CARS2: variants seen among roughly 807,000 people sequenced by gnomAD.
CARS2 encodes probable cysteine--tRNA ligase, mitochondrial.
A neutral mutation model predicts 68.8 loss-of-function variants in CARS2; 52 were observed. The observed-to-expected ratio is 0.76, with a 90% CI of 0.61 to 0.95. The LOEUF (loss-of-function observed/expected upper bound fraction) is 0.95. CARS2 is among the 40% of genes least tolerant of loss of function. The probability of loss-of-function intolerance (pLI) is 0.00; values close to 1 mark genes in which losing one functional copy is unlikely to be tolerated. For missense variants in CARS2, 780 were observed against 754.2 expected (o/e 1.03, Z -0.40); for synonymous variants, 314 against 303.6 (o/e 1.03, Z -0.36).
exon 1 of CARS2, chr13:110,713,482 C>T (rs1427017995): frequency 1.0e-6 from 1 of 988,226 alleles, no homozygotes; most frequent in Non-Finnish European, 1.2e-6. Flanking sequence ...CCCAGCGGCC[C>T]TGACGCTGTC....
intron 11 of CARS2, chr13:110,646,320 A>C (rs1248943315): frequency 8.6e-6 from 4 of 465,724 alleles, no homozygotes; most frequent in Non-Finnish European, 1.5e-5. Context: ...CACCTGTGAC[A>C]CTTAAAATAC....
intron 1 of CARS2, chr13:110,712,352 G>A (rs112950721): frequency 1.8e-5 from 3 of 164,882 alleles, no homozygotes; most frequent in Non-Finnish European, 3.9e-5. Flanking sequence ...AAGAAAATCA[G>A]AGAAAAGCAG....
At chr13:110,679,649 CCGGA>C (rs2063096380) in intron 6 of CARS2, among the ~76,000 whole-genome samples, 2 of 19,324 alleles carry the variant, frequency 1.0e-4, no homozygotes, top group African/African-American at 3.6e-4. Flanking sequence ...CCGGGCGTGA[CCGGA>C]GGGAGGGAGG....
chr13:110,671,821 T>A (rs1349958602), intron 7 of CARS2, among the ~76,000 whole-genome samples: 1 of 151,948 alleles, frequency 6.6e-6, no homozygotes, highest in Admixed American at 6.6e-5. Flanking sequence ...AGGAGACCCA[T>A]CTCACGTGCA....
At chr13:110,702,120 ATCTGTTTTC>A (rs2063804152) in intron 2 of CARS2, among the ~76,000 whole-genome samples, 1 of 152,214 alleles carries the variant, frequency 6.6e-6, no homozygotes, top group South Asian at 2.1e-4. Flanking sequence ...CATCTCAAGA[ATCTGTTTTC>A]CCATAAAAGT....
rs995243532 is a variant in CARS2, at chr13:110,668,782, C to T, written c.786-1309G>A. Among the ~76,000 whole-genome samples the T allele has an allele frequency of 6.6e-6, 1 of 152,184 alleles. No individual in the cohort carries two copies. Among genetic ancestry groups the T allele is most frequent in the Admixed American group, 6.5e-5 (1 of 15,284 alleles). ...CAACCTTCACTATGTTAGTTTCGCT[C>T]CTGATCTCTACGTTACACCTATTTT... On this transcript the variant is annotated intron_variant, in intron 7 of 14. Coordinates refer to ENST00000257347, the MANE Select transcript of CARS2 (RefSeq NM_024537.4). The surrounding 1 kb of genome is among the most constrained non-coding windows in gnomAD (Gnocchi z 4.1).
upstream of CARS2, among the ~76,000 whole-genome samples, chr13:110,708,204 G>A (rs934021997): frequency 6.6e-6 from 1 of 152,128 alleles, no homozygotes; most frequent in Admixed American, 6.6e-5. Flanking sequence ...AGAAATAAAA[G>A]GGCTTGTTGA....
chr13:110,706,693 G>A (rs1052510838), upstream of CARS2, among the ~76,000 whole-genome samples: 3 of 149,542 alleles, frequency 2.0e-5, no homozygotes, highest in Non-Finnish European at 4.4e-5. Flanking sequence ...AGTGCACCCC[G>A]ATACACAATG....
At chr13:110,655,368 C>A (rs965139460) in intron 9 of CARS2, among the ~76,000 whole-genome samples, 2 of 152,200 alleles carry the variant, frequency 1.3e-5, no homozygotes, top group African/African-American at 4.8e-5. Context: ...GTGGAAAATA[C>A]AGTAGGATTT....
intron 3 of CARS2, chr13:110,688,871 C>T: frequency 6.4e-6 from 1 of 157,396 alleles, no homozygotes. Flanking sequence ...GAAGGTGCCA[C>T]TGCACTCCAG....
chr13:110,666,888 G>A, intron 8 of CARS2: 1 of 985,394 alleles, frequency 1.0e-6, no homozygotes, highest in African/African-American at 1.7e-5. Flanking sequence ...TCGAGGTGTT[G>A]CTTAACTCAT....
At chr13:110,649,943 T>TTTTTTTTTTTTTC (rs1566651351) in intron 10 of CARS2, among the ~76,000 whole-genome samples, 17 of 146,714 alleles carry the variant, frequency 1.2e-4, no homozygotes, top group African/African-American at 4.1e-4. Flanking sequence ...TTTTTTTTTT[T>TTTTTTTTTTTTTC]TTTTTTTTTT....
intron 10 of CARS2, 123 bp downstream of exon 10, chr13:110,650,911 C>T (rs1001122440): frequency 5.6e-6 from 4 of 720,502 alleles, no homozygotes; most frequent in Non-Finnish European, 9.5e-6. Context: ...CCGTAAGGCA[C>T]ACAGCAGCCT....
chr13:110,652,887 G>A lies in CARS2; in HGVS notation c.988-1787C>T, dbSNP rs375182512. ...TTGCACCGAAATGGGTATTTCCTTC[G>A]ATGGTCAGTGTAGGCAGCAAACGCA... On this transcript the variant is annotated intron_variant, in intron 9 of 14. Coordinates refer to ENST00000257347, the MANE Select transcript of CARS2 (RefSeq NM_024537.4). Among the ~76,000 whole-genome samples, 5 of 152,208 alleles carry A rather than the reference G, an allele frequency of 3.3e-5. No individual in the cohort carries two copies. The South Asian group carries it at 6.2e-4, about 19-fold the overall frequency.
intron 3 of CARS2, chr13:110,688,883 C>A (rs74412984): frequency 0.038 from 5,966 of 156,714 alleles, 412 homozygotes; most frequent in African/African-American, 0.13. Context: ...GCACTCCAGC[C>A]TGGGCGACAG....
At chr13:110,686,139 ATTC>A (rs2063298856) in intron 5 of CARS2, among the ~76,000 whole-genome samples, 1 of 152,096 alleles carries the variant, frequency 6.6e-6, no homozygotes, top group Non-Finnish European at 1.5e-5. Flanking sequence ...CTAGCCAGAA[ATTC>A]TTCATTGTCT....
At chr13:110,684,336 C>T (rs76877733) in intron 5 of CARS2, among the ~76,000 whole-genome samples, 3,557 of 152,048 alleles carry the variant, frequency 0.023, 121 homozygotes, top group African/African-American at 0.066. Flanking sequence ...GTCCTTACTG[C>T]GGACACTGGT....
intron 9 of CARS2, among the ~76,000 whole-genome samples, chr13:110,652,940 GCCACAGCTGCCA>G (rs1438306787): frequency 1.3e-5 from 2 of 152,084 alleles, no homozygotes; most frequent in Admixed American, 6.5e-5. Context: ...TGGCATGGTG[GCCACAGCTGCCA>G]CAGGTGACCC....
At chr13:110,709,088 T>C (rs1342303768), upstream of CARS2, among the ~76,000 whole-genome samples, 6 of 139,826 alleles carry the variant, frequency 4.3e-5, no homozygotes, top group African/African-American at 1.9e-4. Flanking sequence ...TTTTCTTTTT[T>C]TTTTTTTTGA....
Sources: gnomAD v4.1 joint callset for allele counts (sites outside exome capture counted in the v4.1 genomes callset) on GRCh38, gnomAD v4.1.1 for gene constraint, Gnocchi (gnomAD v3.1) non-coding constraint, MANE v1.5 for transcripts, NCBI Gene and HGNC (gene_info 2026-07-23, HGNC 2026-07-21) for gene names.